Variants in L1TD1 observed in about 807,000 individuals in gnomAD.
L1TD1 encodes the protein LINE1 type transposase domain containing 1.
L1TD1 carries 26 observed loss-of-function variants against 25.7 expected under a neutral mutation model. The observed-to-expected ratio is 1.01, with a 90% CI of 0.74 to 1.40. The LOEUF (loss-of-function observed/expected upper bound fraction) is 1.40. Among genes scored for constraint, L1TD1 ranks in the 40% most tolerant of loss-of-function variants. The pLI, the probability that L1TD1 is intolerant of heterozygous loss-of-function variation, is 0.00. For synonymous variants in L1TD1, 421 were observed against 335.6 expected, an observed-to-expected ratio of 1.25 and a Z score of -2.78; for missense variants, 1,130 against 975.0, an observed-to-expected ratio of 1.16 and a Z score of -2.12.
intron 2 of L1TD1, among the ~76,000 whole-genome samples, chr1:62,205,429 A>ATTTTTTTTTTTTTTTTTTTTTTTT (rs1557443570): frequency 2.7e-5 from 1 of 36,860 alleles, no homozygotes. Context: ...ATATATATAT[A>ATTTTTTTTTTTTTTTTTTTTTTTT]TATATATATA....
chr1:62,205,424 TATATATA>T (rs1670722699), intron 2 of L1TD1, among the ~76,000 whole-genome samples: 2 of 42,978 alleles, frequency 4.7e-5, no homozygotes, highest in African/African-American at 1.6e-4. Context: ...TCTCTATATA[TATATATA>T]TATATATATA....
chr1:62,204,139 A>G (rs572365453), intron 2 of L1TD1, among the ~76,000 whole-genome samples: 47 of 152,316 alleles, frequency 3.1e-4, no homozygotes, highest in African/African-American at 1.1e-3. Flanking sequence ...ACCATGCTTT[A>G]TCTGTAGTTG....
chr1:62,199,982 A>G lies in L1TD1; in HGVS notation c.-111+3454A>G, dbSNP rs1570921555. ...ATGGTTTTTGTATATGTGTTTACAA[A>G]ATTGGATTGTACTCTATATTTTCTG... On this transcript the variant is annotated intron_variant, in intron 2 of 3. Coordinates refer to ENST00000498273, the MANE Select transcript of L1TD1 (RefSeq NM_019079.5). Among the ~76,000 whole-genome samples the G allele has an allele frequency of 2.6e-5, 4 of 152,278 alleles. No homozygotes were observed. The Middle Eastern group carries it at 0.014, about 518-fold the overall frequency.
In L1TD1 at chr1:62,206,822, T is replaced by G; in HGVS notation, c.194T>G (p.Met65Arg). ...GTCTTAATGGAAATTCAAGACCTGATGTTTGAGGAGATGAGGGAAACTCTT... is the reference window on the plus strand; with the variant it reads ...GTCTTAATGGAAATTCAAGACCTGAGGTTTGAGGAGATGAGGGAAACTCTT... ...FKVLMEIQDL[M>R]FEEMRETLKN... Residue 65 changes from methionine (M) to arginine (R), a missense_variant, in exon 3 of 4, where the codon ATG (methionine) becomes AGG (arginine). By Grantham distance (91) the Met-to-Arg change is moderately conservative. Transcript: ENST00000498273. The G allele has an allele frequency of 6.2e-7, 1 of 1,605,906 alleles. No individual in the cohort carries two copies. The highest frequency in any genetic ancestry group is 8.5e-7 in the Non-Finnish European group (1 of 1,175,456).
rs1269544269 is a variant in L1TD1, at chr1:62,197,397, T to TTTA, written c.-111+870_-111+871insTAT. Among the ~76,000 whole-genome samples, 217 of 80,796 alleles carry TTTA rather than the reference T, an allele frequency of 2.7e-3. 1 individual carries two copies. Among genetic ancestry groups the TTTA allele is most frequent in the Non-Finnish European group, 4.8e-3 (183 of 38,126 alleles). The allele number at this position is 80,796 out of a possible 152,430, so 53.0% of individuals were successfully genotyped here. A position where few individuals can be genotyped will look rare whatever the true frequency, so the allele number is the denominator to read the frequency against. ...GAGACGCCCTCTCAAAAAAAATAAA[T>TTTA]TATATATATATATATATATATATAT... On this transcript the variant is annotated intron_variant, in intron 2 of 3. Coordinates refer to ENST00000498273, the MANE Select transcript of L1TD1 (RefSeq NM_019079.5).
At chr1:62,205,230 C>G (rs908268741) in intron 2 of L1TD1, among the ~76,000 whole-genome samples, 1 of 150,678 alleles carries the variant, frequency 6.6e-6, no homozygotes, top group Non-Finnish European at 1.5e-5. Flanking sequence ...CCCAGCTACT[C>G]GGGAGGCTGA....
intron 2 of L1TD1, among the ~76,000 whole-genome samples, chr1:62,201,484 C>T: frequency 8.7e-6 from 1 of 114,372 alleles, no homozygotes; most frequent in East Asian, 2.3e-4. Context: ...CGAGTGAGAC[C>T]CTGCTTAAAA....
Position 62,210,269 on chromosome 1 carries a change from G to C in L1TD1, c.1495G>C (p.Glu499Gln), listed in dbSNP as rs376622885. ...TGKVKTTSLT[E>Q]KKASRRQKEI... is the part of the protein sequence containing the mutation. ...AAAGGTAAAGACTACCTCCCTGACT[G>C]AGAAAAAAGCCTCACGTAGACAAAA... is the stretch of plus-strand genomic sequence containing the variant. The change falls in exon 4 of 4, where the codon GAG becomes CAG. Residue 499 changes from glutamate to glutamine, a missense_variant. Coordinates refer to ENST00000498273, the MANE Select transcript of L1TD1 (RefSeq NM_019079.5). 1.9e-5 allele frequency: 31 copies of C among 1,613,976 alleles called. No homozygotes were observed. The highest frequency in any genetic ancestry group is 5.0e-5 in the Admixed American group (3 of 59,992).
intron 1 of L1TD1, among the ~76,000 whole-genome samples, 200 bp downstream of exon 1, chr1:62,195,121 A>G (rs564496067): frequency 3.0e-5 from 4 of 131,888 alleles, no homozygotes; most frequent in East Asian, 2.3e-4. Flanking sequence ...CAGCGCCCCA[A>G]GTAAGGCTGG....
chr1:62,203,497 C>T (rs113345550), intron 2 of L1TD1, among the ~76,000 whole-genome samples: 4,665 of 152,286 alleles, frequency 0.031, 98 homozygotes, highest in African/African-American at 0.065. Context: ...TCACTGCAAC[C>T]TCCACCTCCC....
At chr1:62,205,391 C>T (rs1361583756) in intron 2 of L1TD1, among the ~76,000 whole-genome samples, 1 of 35,126 alleles carries the variant, frequency 2.8e-5, no homozygotes, top group African/African-American at 1.2e-4. Flanking sequence ...CTCTCTCTTT[C>T]TCTCTCTCTC....
At chr1:62,207,753 G>A (rs997363972) in intron 3 of L1TD1, 117 bp downstream of exon 3, 1 of 1,273,922 alleles carries the variant, frequency 7.8e-7, no homozygotes, top group Admixed American at 3.0e-5. Context: ...GCTCTTGTCG[G>A]CCAGGTGGGA....
At position 62,207,012 on chromosome 1, in the gene L1TD1, T is replaced by C. The variant is rs779364645; in HGVS notation, c.384T>C (p.Asp128=). The change falls in exon 3 of 4, where the codon GAT becomes GAC. Residue 128 remains aspartate (D), a synonymous_variant. Coordinates refer to ENST00000498273, the MANE Select transcript of L1TD1 (RefSeq NM_019079.5). ...KIEGENSKIG[D]DNENLTFKLE... is the part of the protein sequence containing the mutation. ...AAGGAGAAAACTCTAAAATAGGTGA[T>C]GATAATGAAAATTTAACCTTTAAAT... 6.2e-7 allele frequency: 1 copy of C among 1,613,242 alleles called. No homozygotes were observed. Among genetic ancestry groups the C allele is most frequent in the South Asian group, 1.1e-5 (1 of 90,900 alleles).
chr1:62,196,253 G>A (rs1432600256), intron 1 of L1TD1, among the ~76,000 whole-genome samples, 182 bp from the exon 2 acceptor site: 1 of 151,996 alleles, frequency 6.6e-6, no homozygotes, highest in Non-Finnish European at 1.5e-5. Context: ...TCCACCTCTG[G>A]GTCCTCCCAT....
chr1:62,203,462 C>T (rs1379171224), intron 2 of L1TD1, among the ~76,000 whole-genome samples: 1 of 152,102 alleles, frequency 6.6e-6, no homozygotes, highest in African/African-American at 2.4e-5. Context: ...CACTCTGTCG[C>T]CCGGTACAGT....
In L1TD1 at chr1:62,205,130, C is replaced by G. The variant is rs115093384; in HGVS notation, c.-110-1389C>G. Among the ~76,000 whole-genome samples, 746 of 151,788 alleles carry G rather than the reference C, an allele frequency of 4.9e-3. 5 individuals are homozygous for G. Among genetic ancestry groups the G allele is most frequent in the African/African-American group, 0.017 (712 of 41,334 alleles). On this transcript the variant is annotated intron_variant, in intron 2 of 3. Transcript: ENST00000498273. ...ACTTTGGAGGCCGAGGCAGGCGGATCACGAGGTCAGGAATTCGAGGCCAGC... is the reference window on the plus strand; with the variant it reads ...ACTTTGGAGGCCGAGGCAGGCGGATGACGAGGTCAGGAATTCGAGGCCAGC...
At position 62,210,792 on chromosome 1, in the gene L1TD1, T is replaced by G. The variant is rs1426641441; in HGVS notation, c.2018T>G (p.Phe673Cys). 1.9e-6 allele frequency: 3 copies of G among 1,549,990 alleles called. No individual in the cohort carries two copies. In the African/African-American group the frequency reaches 4.1e-5, roughly 21 times the overall value. The change falls in exon 4 of 4, where the codon TTC becomes TGC. Residue 673 changes from phenylalanine to cysteine, a missense_variant. Phe to Cys is a radical substitution (Grantham distance 205). Transcript: ENST00000498273. ...AGTCTAGAAGATCAAATTGAAGAAT[T>G]CTCTAAGGATACAATGCAAATGACC... Reference protein sequence around the residue: ...IDSLEDQIEEFSKDTMQMTKQ... With the variant: ...IDSLEDQIEECSKDTMQMTKQ...
At position 62,210,085 on chromosome 1, in the gene L1TD1, A is replaced by G. The variant is rs1401457787; in HGVS notation, c.1311A>G (p.Glu437=). Reference sequence around the variant, plus strand: ...CCTCAGGGCTAGAGGAGGAAGAGGAACAGACTTCAGAACAGGACTCAACCT... The same window carrying G: ...CCTCAGGGCTAGAGGAGGAAGAGGAGCAGACTTCAGAACAGGACTCAACCT... ...DEASGLEEEE[E]QTSEQDSTFQ... is the part of the protein sequence containing the mutation. The change falls in exon 4 of 4, where the codon GAA becomes GAG. Residue 437 remains glutamate, a synonymous_variant. Transcript: ENST00000498273. 1.9e-6 allele frequency: 3 copies of G among 1,614,116 alleles called. No individual in the cohort carries two copies. The highest frequency in any genetic ancestry group is 2.5e-6 in the Non-Finnish European group (3 of 1,180,022).
In L1TD1 at chr1:62,211,577, G is replaced by A. The variant is rs1430953946; in HGVS notation, c.*205G>A. On this transcript the variant is annotated 3_prime_UTR_variant, in exon 4 of 4. Transcript: ENST00000498273. The stretch of plus-strand genomic sequence containing the variant: ...AAATAGGCTGGTCTCAATGTAGTGA[G>A]TTATTTCAGTTGATCACAGTCAGTT... The A allele has an allele frequency of 2.8e-6, 2 of 707,448 alleles. No individual in the cohort carries two copies. The highest frequency in any genetic ancestry group is 3.8e-5 in the Admixed American group (1 of 26,060). The allele number at this position is 707,448 out of a possible 1,614,324, so 43.8% of individuals were successfully genotyped here. A position where few individuals can be genotyped will look rare whatever the true frequency, so the allele number is the denominator to read the frequency against.
Sources: gnomAD v4.1 joint callset for allele counts (sites outside exome capture counted in the v4.1 genomes callset) on GRCh38, gnomAD v4.1.1 for gene constraint, MANE v1.5 for transcripts, NCBI Gene and HGNC (gene_info 2026-07-23, HGNC 2026-07-21) for gene names.